Variants in CDK5RAP2 observed in about 807,000 individuals in gnomAD.
CDK5RAP2 encodes CDK5 regulatory subunit associated protein 2, also known as CDK5 regulatory subunit-associated protein 2.
Under a neutral mutation model 232.9 loss-of-function variants are expected in CDK5RAP2, and 147 were observed. The observed-to-expected ratio is 0.63, with a 90% CI of 0.55 to 0.72. The LOEUF (loss-of-function observed/expected upper bound fraction) is 0.72, where lower values mean the gene tolerates loss of function less well. Ranked by LOEUF, CDK5RAP2 falls within the 30% of genes least tolerant of loss-of-function variation. CDK5RAP2 has a pLI of 0.00. For missense variants in CDK5RAP2, 2,195 were observed against 2,231.5 expected (o/e 0.98, Z 0.33); for synonymous variants, 833 against 833.7 (o/e 1.00, Z 0.01).
chr9:120,495,677 G>C (rs2039163635), intron 12 of CDK5RAP2, among the ~76,000 whole-genome samples: 4 of 96,378 alleles, frequency 4.2e-5, no homozygotes, highest in Non-Finnish European at 6.3e-5. Flanking sequence ...CCCCCGCCCG[G>C]CCAGCCGCCC....
chr9:120,509,382 C>T (rs1318478086), intron 12 of CDK5RAP2, among the ~76,000 whole-genome samples: 1 of 152,204 alleles, frequency 6.6e-6, no homozygotes, highest in Non-Finnish European at 1.5e-5. Flanking sequence ...GAATCGGATA[C>T]ACTGAGCATC....
rs2041396285 is a variant in CDK5RAP2 at position 120,536,529 on chromosome 9, A to G, written c.508-3T>C. 6.2e-7 allele frequency: 1 copy of G among 1,613,888 alleles called. No individual in the cohort carries two copies. Among genetic ancestry groups the G allele is most frequent in the Non-Finnish European group, 8.5e-7 (1 of 1,179,900 alleles). ...TCTGCCTGGGCGGCTGTCACATCCT[A>G]GAGTCAAATTAAATGCATTTGATGC... On this transcript the variant is annotated splice_region_variant and splice_polypyrimidine_tract_variant and intron_variant, in intron 6 of 37. Transcript: ENST00000349780.
intron 3 of CDK5RAP2, among the ~76,000 whole-genome samples, chr9:120,567,579 T>C (rs2042693046): frequency 1.3e-5 from 2 of 152,176 alleles, no homozygotes; most frequent in Non-Finnish European, 2.9e-5. Flanking sequence ...AACCTTATTT[T>C]CCTGTTACTT....
chr9:120,501,073 G>C (rs552031549), intron 12 of CDK5RAP2, among the ~76,000 whole-genome samples: 1 of 152,242 alleles, frequency 6.6e-6, no homozygotes, highest in Admixed American at 6.5e-5. Context: ...TCATAATGAG[G>C]CATTTACTCT....
rs368050761 is a variant in CDK5RAP2, at chr9:120,453,638, C to T, written c.2611G>A (p.Ala871Thr). 1.8e-4 allele frequency: 284 copies of T among 1,614,092 alleles called. No homozygotes were observed. The highest frequency in any genetic ancestry group is 2.3e-4 in the Non-Finnish European group (268 of 1,180,048). ...GEVPKVGLKDASVQTVATEGD... is the reference protein window; with the variant it reads ...GEVPKVGLKDTSVQTVATEGD... ...TCCGTGGCCACAGTCTGCACTGAGG[C>T]ATCTTTCAGTCCTACCTTGGGCACT... is the stretch of plus-strand genomic sequence containing the variant. Residue 871 changes from alanine to threonine, a missense_variant, in exon 21 of 38, where the codon GCC (alanine) becomes ACC (threonine). Ala to Thr is a moderately conservative substitution (Grantham distance 58, BLOSUM62 0). Coordinates refer to ENST00000349780, the MANE Select transcript of CDK5RAP2 (RefSeq NM_018249.6).
intron 11 of CDK5RAP2, among the ~76,000 whole-genome samples, chr9:120,521,427 G>A (rs1323511395): frequency 2.0e-5 from 3 of 152,124 alleles, no homozygotes; most frequent in Non-Finnish European, 4.4e-5. Flanking sequence ...GGACCGGGTG[G>A]GAGGTAACTG....
chr9:120,534,686 C>A (rs10984944), intron 7 of CDK5RAP2, among the ~76,000 whole-genome samples: 126,724 of 152,174 alleles, frequency 0.83, 54,006 homozygotes, highest in Non-Finnish European at 0.93. Flanking sequence ...CATTCTGTCC[C>A]AGGACCTCTT....
chr9:120,395,979 C>T (rs2032430687), intron 35 of CDK5RAP2, among the ~76,000 whole-genome samples: 1 of 152,206 alleles, frequency 6.6e-6, no homozygotes, highest in African/African-American at 2.4e-5. Context: ...AAGTGACAGA[C>T]ATACATTATG....
intron 28 of CDK5RAP2, among the ~76,000 whole-genome samples, chr9:120,414,226 C>T (rs2034067215): frequency 6.6e-6 from 1 of 152,146 alleles, no homozygotes; most frequent in African/African-American, 2.4e-5. Context: ...TTCTATGAAA[C>T]AATTAAGACT....
intron 7 of CDK5RAP2, among the ~76,000 whole-genome samples, chr9:120,531,194 A>G (rs934528248): frequency 3.3e-5 from 5 of 151,940 alleles, no homozygotes; most frequent in Non-Finnish European, 5.9e-5. Context: ...TCCCGAAGCC[A>G]GACTGTTTCA....
At chr9:120,452,151 A>C (rs2036511769) in intron 21 of CDK5RAP2, among the ~76,000 whole-genome samples, 1 of 151,960 alleles carries the variant, frequency 6.6e-6, no homozygotes, top group Non-Finnish European at 1.5e-5. Flanking sequence ...TACAGGTACA[A>C]ATTGAAGGAG....
In CDK5RAP2 at chr9:120,420,013, C is replaced by T. The variant is rs919410106; in HGVS notation, c.4005-53G>A. 16 of 1,447,948 alleles carry T rather than the reference C, an allele frequency of 1.1e-5. No homozygotes were observed. The Admixed American group carries it at 2.7e-4, about 24-fold the overall frequency. 89.7% of individuals were successfully genotyped at this position (1,447,948 alleles called of 1,614,324 possible). On this transcript the variant is annotated intron_variant, in intron 26 of 37. Coordinates refer to ENST00000349780, the MANE Select transcript of CDK5RAP2 (RefSeq NM_018249.6). ...CATCTCCCATGCTAAAATCCCAAGC[C>T]AGGACTATGACTTACGAATACTTAC... is the stretch of plus-strand genomic sequence containing the variant.
chr9:120,512,076 CAGTGGCTCACACCTATAATCCTA>C (rs2040119729), intron 12 of CDK5RAP2, among the ~76,000 whole-genome samples: 1 of 152,154 alleles, frequency 6.6e-6, no homozygotes, highest in South Asian at 2.1e-4. Context: ...GGGCCACGGG[CAGTGGCTCACACCTATAATCCTA>C]ACACTTTGGG....
chr9:120,508,579 C>T (rs1298774132), intron 12 of CDK5RAP2, among the ~76,000 whole-genome samples: 1 of 152,154 alleles, frequency 6.6e-6, no homozygotes, highest in Non-Finnish European at 1.5e-5. Context: ...ACCAGTTGCC[C>T]CCTTCTCCAG....
At chr9:120,424,727 T>A (rs1249438472) in intron 25 of CDK5RAP2, among the ~76,000 whole-genome samples, 3 of 149,280 alleles carry the variant, frequency 2.0e-5, no homozygotes, top group Non-Finnish European at 4.4e-5. Flanking sequence ...TTTAATGGAG[T>A]CTTGCTCTGT....
At chr9:120,455,019 T>C (rs1044214196) in intron 20 of CDK5RAP2, among the ~76,000 whole-genome samples, 13 of 152,338 alleles carry the variant, frequency 8.5e-5, no homozygotes, top group Admixed American at 5.9e-4. Flanking sequence ...ACACCTGGAA[T>C]GGTGCTCGGG....
intron 25 of CDK5RAP2, among the ~76,000 whole-genome samples, chr9:120,426,487 T>C (rs1350787490): frequency 1.3e-5 from 2 of 152,190 alleles, no homozygotes. Flanking sequence ...GAAAGAGTTA[T>C]TATCTAAAGA....
chr9:120,512,704 T>C lies in CDK5RAP2; in HGVS notation c.1311+5723A>G, dbSNP rs146872676. On this transcript the variant is annotated intron_variant, in intron 12 of 37. Transcript: ENST00000349780. ...AAGTCCTGAAATTAGATAGAGTCCA[T>C]AGACCTGAATCCATGTCACATATAT... Among the ~76,000 whole-genome samples the C allele has an allele frequency of 2.7e-3, 411 of 152,314 alleles. 6 individuals are homozygous for C. Among genetic ancestry groups the C allele is most frequent in the African/African-American group, 9.3e-3 (386 of 41,568 alleles).
At chr9:120,536,950 T>C (rs1205121009) in intron 6 of CDK5RAP2, among the ~76,000 whole-genome samples, 1 of 151,866 alleles carries the variant, frequency 6.6e-6, no homozygotes, top group African/African-American at 2.4e-5. Flanking sequence ...AAAGTACATT[T>C]TCTGTATCTC....
Sources: allele counts gnomAD v4.1 joint callset (sites outside exome capture counted in the v4.1 genomes callset), GRCh38; gene constraint gnomAD v4.1.1; transcripts MANE v1.5; gene names NCBI Gene and HGNC (gene_info 2026-07-23, HGNC 2026-07-21).